The following ADCY1 variants were observed in gnomAD, a reference collection of about 807,000 sequenced individuals.
ADCY1 encodes the protein adenylate cyclase type 1.
In ADCY1, 28 loss-of-function variants were observed where a neutral mutation model predicts 105.4. That is an observed-to-expected ratio of 0.27 (90% CI 0.20 to 0.36). The LOEUF (loss-of-function observed/expected upper bound fraction) is 0.36. Among genes scored for constraint, ADCY1 ranks in the 10% least tolerant of loss-of-function variants. The pLI is 1.00. For missense variants in ADCY1, 977 were observed against 1,434.2 expected, an observed-to-expected ratio of 0.68 and a Z score of 5.15; for synonymous variants, 655 against 623.8, an observed-to-expected ratio of 1.05 and a Z score of -0.75.
chr7:45,613,710 C>G (rs1176144177), intron 3 of ADCY1, among the ~76,000 whole-genome samples: 1 of 152,004 alleles, frequency 6.6e-6, no homozygotes, highest in Admixed American at 6.6e-5. Context: ...AAATTCACAC[C>G]TAGATACATT....
At chr7:45,576,698 C>T (rs1014761771) in intron 1 of ADCY1, among the ~76,000 whole-genome samples, 2 of 152,084 alleles carry the variant, frequency 1.3e-5, no homozygotes, top group Admixed American at 6.5e-5. Flanking sequence ...ACTGCCTCCA[C>T]CCCCCATCTG....
rs1385342541 is a variant in ADCY1, at chr7:45,647,494, G to A, written c.1021-1176G>A. ...TAAGCCACCGATGTGTTCTCAGAGT[G>A]GCTGAAGGAGTTCTGTGGCCTTATA... On this transcript the variant is annotated intron_variant, in intron 4 of 19. Coordinates refer to ENST00000297323, the MANE Select transcript of ADCY1 (RefSeq NM_021116.4). The surrounding 1 kb of genome is among the most constrained non-coding windows in gnomAD (Gnocchi z 4.6). 6.6e-6 allele frequency among the ~76,000 whole-genome samples: 1 copy of A among 152,222 alleles called. No individual in the cohort carries two copies. The highest frequency in any genetic ancestry group is 2.4e-5 in the African/African-American group (1 of 41,452).
chr7:45,711,889 T>TTTGTATATTATATTAAATATATAAATATA (rs1785249048), intron 19 of ADCY1, among the ~76,000 whole-genome samples: 1 of 92,150 alleles, frequency 1.1e-5, no homozygotes. Flanking sequence ...TATAAATATA[T>TTTGTATATTATATTAAATATATAAATATA]TTATATATTA....
Position 45,703,298 on chromosome 7 carries a change from A to G in ADCY1, c.2455-78A>G. The G allele has an allele frequency of 1.4e-6, 2 of 1,387,692 alleles. No homozygotes were observed. The highest frequency in any genetic ancestry group is 1.2e-5 in the South Asian group (1 of 85,408). The allele number at this position is 1,387,692 out of a possible 1,614,324, so 86.0% of individuals were successfully genotyped here. A position where few individuals can be genotyped will look rare whatever the true frequency, so the allele number is the denominator to read the frequency against. ...GCACACCTGGAGTCCAGTTTGGATG[A>G]TTAGAAGGAAGTGTGCGGTGGGAAC... On this transcript the variant is annotated intron_variant, in intron 14 of 19. Transcript: ENST00000297323. The surrounding 1 kb of genome is among the most constrained non-coding windows in gnomAD (Gnocchi z 5.9).
intron 8 of ADCY1, among the ~76,000 whole-genome samples, chr7:45,669,308 C>T (rs571864058): frequency 4.3e-4 from 65 of 152,034 alleles, no homozygotes; most frequent in African/African-American, 1.5e-3. Context: ...TAAATGTGTC[C>T]CAGAGATTCT....
intron 1 of ADCY1, among the ~76,000 whole-genome samples, chr7:45,584,683 A>G (rs1792665888): frequency 6.6e-6 from 1 of 152,108 alleles, no homozygotes; most frequent in South Asian, 2.1e-4. Flanking sequence ...CCCACCTACC[A>G]CACAGTCTAG....
chr7:45,700,780 G>A (rs935530399), intron 14 of ADCY1, among the ~76,000 whole-genome samples: 2 of 152,340 alleles, frequency 1.3e-5, no homozygotes, highest in African/African-American at 4.8e-5. Context: ...TTCCCTTGTA[G>A]TAAACACGTT....
chr7:45,688,888 C>A (rs906967938), intron 14 of ADCY1, among the ~76,000 whole-genome samples: 1 of 151,790 alleles, frequency 6.6e-6, no homozygotes, highest in South Asian at 2.1e-4. Context: ...TCAGTTAACA[C>A]TCCCCATTTC....
At chr7:45,639,655 A>G (rs767495998) in intron 4 of ADCY1, among the ~76,000 whole-genome samples, 2 of 152,202 alleles carry the variant, frequency 1.3e-5, no homozygotes, top group Non-Finnish European at 1.5e-5. Flanking sequence ...TTTTTTCCCA[A>G]TGAGAGCACC....
Position 45,721,931 on chromosome 7 carries a change from A to T in ADCY1, c.*7936A>T. Reference sequence around the variant, plus strand: ...AATAGCCTAGATGAACTCCCAAGAGATCTATTAAATCTTGTGGGCTGAATA... The same window carrying T: ...AATAGCCTAGATGAACTCCCAAGAGTTCTATTAAATCTTGTGGGCTGAATA... On this transcript the variant is annotated 3_prime_UTR_variant, in exon 20 of 20. Transcript: ENST00000297323. 2.5e-6 allele frequency: 1 copy of T among 398,212 alleles called. No homozygotes were observed. The highest frequency in any genetic ancestry group is 6.3e-4 in the Middle Eastern group (1 of 1,588). 24.7% of individuals were successfully genotyped at this position (398,212 alleles called of 1,614,324 possible).
chr7:45,695,997 C>G (rs1334504795), intron 14 of ADCY1, among the ~76,000 whole-genome samples: 1 of 152,188 alleles, frequency 6.6e-6, no homozygotes, highest in African/African-American at 2.4e-5. Context: ...GTTGGTAACT[C>G]CAGACTTTCT....
chr7:45,660,273 C>T (rs1795059543), intron 7 of ADCY1, 90 bp downstream of exon 7: 26 of 1,519,772 alleles, frequency 1.7e-5, no homozygotes, highest in Non-Finnish European at 2.3e-5. Flanking sequence ...GCTTCCTCTC[C>T]AAGCACTGCT....
intron 17 of ADCY1, among the ~76,000 whole-genome samples, chr7:45,705,485 C>G (rs914531323): frequency 6.6e-6 from 1 of 152,134 alleles, no homozygotes; most frequent in African/African-American, 2.4e-5. Flanking sequence ...ATAATCGTAT[C>G]AATTGATGCA....
chr7:45,686,681 G>A lies in ADCY1; in HGVS notation c.2454+8G>A, dbSNP rs777519218. 8 of 1,591,798 alleles carry A rather than the reference G, an allele frequency of 5.0e-6. No individual in the cohort carries two copies. The highest frequency in any genetic ancestry group is 1.7e-4 in the Middle Eastern group (1 of 5,970). ...TACCTCTGGGCCGCACAGGCAAGAC[G>A]AGCCCTTTCTGCTTTCTGGGGGTGG... On this transcript the variant is annotated splice_region_variant and intron_variant, in intron 14 of 19. Coordinates refer to ENST00000297323, the MANE Select transcript of ADCY1 (RefSeq NM_021116.4). The surrounding 1 kb of genome is among the most constrained non-coding windows in gnomAD (Gnocchi z 4.3).
intron 4 of ADCY1, among the ~76,000 whole-genome samples, chr7:45,638,370 C>T (rs1794448168): frequency 6.6e-6 from 1 of 152,064 alleles, no homozygotes; most frequent in Non-Finnish European, 1.5e-5. Flanking sequence ...TCCAGTATAG[C>T]TTCCATCTCA....
In ADCY1 at chr7:45,713,730, C is replaced by A. The variant is rs752337225; in HGVS notation, c.3095C>A (p.Pro1032His). The A allele has an allele frequency of 1.3e-6, 1 of 780,718 alleles. No individual in the cohort carries two copies. Among genetic ancestry groups the A allele is most frequent in the South Asian group, 1.3e-5 (1 of 74,628 alleles). The allele number at this position is 780,718 out of a possible 1,614,324, so 48.4% of individuals were successfully genotyped here. Reference sequence around the variant, plus strand: ...GTCCACCGGCTGCTGAGAAGGTGCCCCTACCACTTTGTGTGCCGAGGCAAA... The same window carrying A: ...GTCCACCGGCTGCTGAGAAGGTGCCACTACCACTTTGTGTGCCGAGGCAAA... The part of the protein sequence containing the change: ...EEVHRLLRRC[P>H]YHFVCRGKVS... The change falls in exon 20 of 20, where the codon CCC becomes CAC. Residue 1032 changes from proline (P) to histidine (H), a missense_variant. Coordinates refer to ENST00000297323, the MANE Select transcript of ADCY1 (RefSeq NM_021116.4).
chr7:45,662,535 G>A (rs1023045060), intron 8 of ADCY1, among the ~76,000 whole-genome samples: 1 of 152,086 alleles, frequency 6.6e-6, no homozygotes, highest in African/African-American at 2.4e-5. Flanking sequence ...AGATGTGCTA[G>A]GCCCTCCCTC....
chr7:45,621,089 C>T (rs189101567), intron 3 of ADCY1, among the ~76,000 whole-genome samples: 5 of 151,984 alleles, frequency 3.3e-5, no homozygotes, highest in Non-Finnish European at 4.4e-5. Context: ...TTTTTTGAGA[C>T]GGGGTTCCAC....
intron 1 of ADCY1, among the ~76,000 whole-genome samples, chr7:45,584,204 A>T (rs564172224): frequency 1.3e-5 from 2 of 152,142 alleles, no homozygotes; most frequent in South Asian, 2.1e-4. Context: ...TTGGCCTCCC[A>T]GAGTGCTGGG....
Sources: gnomAD v4.1 joint callset for allele counts (sites outside exome capture counted in the v4.1 genomes callset) on GRCh38, gnomAD v4.1.1 for gene constraint, Gnocchi (gnomAD v3.1) non-coding constraint, MANE v1.5 for transcripts, NCBI Gene and HGNC (gene_info 2026-07-23, HGNC 2026-07-21) for gene names.